PALM2AKAP2: variants seen among roughly 807,000 people sequenced by gnomAD.
PALM2AKAP2 encodes the protein PALM2 and AKAP2 fusion, also known as PALM2-AKAP2 fusion protein.
Under a neutral mutation model 71.5 loss-of-function variants are expected in PALM2AKAP2, and 37 were observed. That is an observed-to-expected ratio of 0.52 (90% CI 0.40 to 0.68). The LOEUF (loss-of-function observed/expected upper bound fraction) is 0.68. PALM2AKAP2 is among the 30% of genes least tolerant of loss of function. The probability of loss-of-function intolerance (pLI) is 0.00; values close to 1 mark genes in which losing one functional copy is unlikely to be tolerated. For synonymous variants in PALM2AKAP2, 468 were observed against 478.8 expected (o/e 0.98, Z 0.29); for missense variants, 1,224 against 1,191.8 (o/e 1.03, Z -0.40).
At chr9:109,708,926 G>A (rs1470074654) in intron 1 of PALM2AKAP2, among the ~76,000 whole-genome samples, 1 of 152,190 alleles carries the variant, frequency 6.6e-6, no homozygotes, top group Non-Finnish European at 1.5e-5. Flanking sequence ...CGTCAGGAAG[G>A]CTGTGCAGGA....
chr9:109,895,963 C>T (rs1033600818), intron 3 of PALM2AKAP2, among the ~76,000 whole-genome samples: 2 of 152,010 alleles, frequency 1.3e-5, no homozygotes, highest in Non-Finnish European at 2.9e-5. Flanking sequence ...TTGGGTGGAT[C>T]GCTTGAGGTC....
At chr9:110,030,849 C>T (rs1833266520) in intron 7 of PALM2AKAP2, among the ~76,000 whole-genome samples, 1 of 152,190 alleles carries the variant, frequency 6.6e-6, no homozygotes, top group Non-Finnish European at 1.5e-5. Context: ...CCTAGCAGAG[C>T]AGGCCACTGG....
At chr9:109,875,853 A>ATTTACTT (rs1046040346) in intron 2 of PALM2AKAP2, among the ~76,000 whole-genome samples, 1 of 152,134 alleles carries the variant, frequency 6.6e-6, no homozygotes, top group African/African-American at 2.4e-5. Flanking sequence ...CCAGAAACAG[A>ATTTACTT]TTTACTTTGG....
chr9:109,878,760 G>A lies in PALM2AKAP2; in HGVS notation c.127-1791G>A, dbSNP rs146248807. Among the ~76,000 whole-genome samples the A allele has an allele frequency of 5.1e-3, 782 of 151,988 alleles. 3 individuals carry two copies. Among genetic ancestry groups the A allele is most frequent in the Middle Eastern group, 0.021 (6 of 292 alleles). On this transcript the variant is annotated intron_variant, in intron 2 of 9. Transcript: ENST00000302798. ...AGTGTTGGTAATTTTTTTTTGAGAC[G>A]GAGTTTCGCTCTTGTTGCGCAGGCT...
intron 1 of PALM2AKAP2, among the ~76,000 whole-genome samples, chr9:109,845,081 C>T (rs1277862939): frequency 2.0e-5 from 3 of 152,178 alleles, no homozygotes; most frequent in Non-Finnish European, 4.4e-5. Context: ...CACTCTTCTC[C>T]AGTAAGGCCA....
chr9:109,810,489 G>T (rs10980057), intron 1 of PALM2AKAP2, among the ~76,000 whole-genome samples: 2,491 of 152,300 alleles, frequency 0.016, 36 homozygotes, highest in Non-Finnish European at 0.022. Context: ...CCAGAGGATT[G>T]TCCACTGGAT....
intron 1 of PALM2AKAP2, among the ~76,000 whole-genome samples, chr9:109,743,905 A>T (rs1442657361): frequency 6.6e-6 from 1 of 152,200 alleles, no homozygotes; most frequent in Non-Finnish European, 1.5e-5. Flanking sequence ...CAAATGACAA[A>T]ATTTGCTCTT....
intron 1 of PALM2AKAP2, among the ~76,000 whole-genome samples, chr9:110,067,458 A>G (rs1013785749): frequency 4.6e-5 from 7 of 152,212 alleles, no homozygotes; most frequent in Admixed American, 1.3e-4. Context: ...TTTCCCACGC[A>G]GGAGTTCATT....
intron 1 of PALM2AKAP2, among the ~76,000 whole-genome samples, chr9:109,723,215 C>T (rs1828430038): frequency 6.6e-6 from 1 of 152,176 alleles, no homozygotes; most frequent in Non-Finnish European, 1.5e-5. Flanking sequence ...TGCTTAAAGG[C>T]CCATCTCCGC....
intron 1 of PALM2AKAP2, among the ~76,000 whole-genome samples, chr9:109,794,126 C>G (rs999224947): frequency 6.6e-6 from 1 of 152,150 alleles, no homozygotes; most frequent in Non-Finnish European, 1.5e-5. Context: ...CTCAGACATC[C>G]TTTTCACTGT....
At chr9:109,712,220 G>T (rs1165334963) in intron 1 of PALM2AKAP2, among the ~76,000 whole-genome samples, 1 of 152,114 alleles carries the variant, frequency 6.6e-6, no homozygotes, top group Admixed American at 6.6e-5. Context: ...ATTGCTTACA[G>T]GGTAGTTAAA....
chr9:109,782,526 C>T (rs574430320), intron 1 of PALM2AKAP2, among the ~76,000 whole-genome samples: 2 of 152,142 alleles, frequency 1.3e-5, no homozygotes, highest in Admixed American at 6.5e-5. Flanking sequence ...CTGTTTACGT[C>T]GCATTTACAG....
intron 3 of PALM2AKAP2, among the ~76,000 whole-genome samples, chr9:109,918,884 C>T (rs557378420): frequency 6.6e-6 from 1 of 152,302 alleles, no homozygotes; most frequent in South Asian, 2.1e-4. Context: ...GGTTTCATTT[C>T]GTTCCTTTTT....
At chr9:109,774,024 T>C (rs114608161) in intron 1 of PALM2AKAP2, among the ~76,000 whole-genome samples, 14,597 of 152,260 alleles carry the variant, frequency 0.096, 866 homozygotes, top group Admixed American at 0.16. Context: ...CAGGATTTAG[T>C]AGGCAGGCCA....
chr9:109,825,799 A>G (rs369880271), intron 1 of PALM2AKAP2, among the ~76,000 whole-genome samples: 3 of 146,370 alleles, frequency 2.0e-5, no homozygotes, highest in African/African-American at 7.3e-5. Flanking sequence ...TGTGGAAGAC[A>G]GTGTGGCGAT....
intron 1 of PALM2AKAP2, among the ~76,000 whole-genome samples, chr9:109,739,133 C>A (rs1828681267): frequency 6.6e-6 from 1 of 152,086 alleles, no homozygotes. Context: ...ATAGCTAGAC[C>A]CAGATGAAAA....
rs5899875 is a variant in PALM2AKAP2 at position 110,068,087 on chromosome 9, C to CTTTTTTTTTT, written c.156+19240_156+19249dup. ...GTTGTATTTGCTTATGTTCCAAACT[C>CTTTTTTTTTT]TTTTTTTTTTTTTTTTTGGTAAGAT... On this transcript the variant is annotated intron_variant, in intron 1 of 3. Transcript: ENST00000374525. Among the ~76,000 whole-genome samples, 144 of 122,902 alleles carry CTTTTTTTTTT rather than the reference C, an allele frequency of 1.2e-3. 7 individuals are homozygous for CTTTTTTTTTT. The highest frequency in any genetic ancestry group is 4.7e-3 in the African/African-American group (138 of 29,180). 80.6% of individuals were successfully genotyped at this position (122,902 alleles called of 152,430 possible). A position where few individuals can be genotyped will look rare whatever the true frequency, so the allele number is the denominator to read the frequency against.
chr9:110,083,599 T>C (rs73657339), intron 1 of PALM2AKAP2, among the ~76,000 whole-genome samples: 5,739 of 152,296 alleles, frequency 0.038, 363 homozygotes, highest in African/African-American at 0.12. Flanking sequence ...TTCCTACTTA[T>C]CTGTCTGCTT....
chr9:109,848,552 G>A (rs1828925264), intron 1 of PALM2AKAP2, among the ~76,000 whole-genome samples: 3 of 152,156 alleles, frequency 2.0e-5, no homozygotes, highest in African/African-American at 7.2e-5. Context: ...ACTGAGGGAA[G>A]TAGTCAGTTC....
Sources: allele counts gnomAD v4.1 joint callset (sites outside exome capture counted in the v4.1 genomes callset), GRCh38; gene constraint gnomAD v4.1.1; transcripts MANE v1.5; gene names NCBI Gene and HGNC (gene_info 2026-07-23, HGNC 2026-07-21).